The following TGDS variants were observed in gnomAD, a reference collection of about 807,000 sequenced individuals.
TGDS encodes the protein UDP-D-glucose 4,6-dehydratase.
Under a neutral mutation model 52.3 loss-of-function variants are expected in TGDS, and 47 were observed. That is an observed-to-expected ratio of 0.90 (90% CI 0.71 to 1.15). TGDS has a LOEUF of 1.15. TGDS is among the 50% of genes most tolerant of loss of function. TGDS has a pLI of 0.00. For missense variants in TGDS, 375 were observed against 418.4 expected (o/e 0.90, Z 0.90); for synonymous variants, 115 against 136.9 (o/e 0.84, Z 1.12).
At chr13:94,594,610 T>C (rs1035155395) in intron 1 of TGDS, among the ~76,000 whole-genome samples, 3 of 152,190 alleles carry the variant, frequency 2.0e-5, no homozygotes, top group Non-Finnish European at 4.4e-5. Flanking sequence ...GACCAAATTA[T>C]GAACTTGAAG....
intron 5 of TGDS, among the ~76,000 whole-genome samples, chr13:94,582,012 CAACAT>C (rs1888811221): frequency 2.0e-5 from 3 of 152,032 alleles, no homozygotes; most frequent in Admixed American, 6.6e-5. Flanking sequence ...CCAGCCTGAC[CAACAT>C]GGAGAAACCC....
intron 10 of TGDS, among the ~76,000 whole-genome samples, chr13:94,576,685 C>T (rs958840949): frequency 2.2e-4 from 34 of 151,996 alleles, no homozygotes; most frequent in African/African-American, 8.2e-4. Flanking sequence ...ATCCAAAAAA[C>T]TCAACAAATG....
At chr13:94,593,802 G>T in intron 2 of TGDS, 39 bp downstream of exon 2, 1 of 1,278,298 alleles carries the variant, frequency 7.8e-7, no homozygotes, top group Non-Finnish European at 1.1e-6. Context: ...AAATTGAAAT[G>T]TAATTTCAGT....
chr13:94,591,523 G>A (rs933724690), intron 3 of TGDS, among the ~76,000 whole-genome samples: 1 of 152,168 alleles, frequency 6.6e-6, no homozygotes, highest in Non-Finnish European at 1.5e-5. Flanking sequence ...AACCCCGGAG[G>A]CAGGGGTCGC....
intron 3 of TGDS, 37 bp downstream of exon 3, chr13:94,592,204 A>G (rs530922193): frequency 7.4e-6 from 11 of 1,496,270 alleles, no homozygotes; most frequent in Non-Finnish European, 3.7e-6. Context: ...CTGCATGACT[A>G]AAGAGGCACG....
At chr13:94,581,803 C>T (rs1425856537) in intron 5 of TGDS, among the ~76,000 whole-genome samples, 1 of 152,084 alleles carries the variant, frequency 6.6e-6, no homozygotes, top group African/African-American at 2.4e-5. Context: ...ATAAAATAAA[C>T]AGAATGAGAT....
chr13:94,596,139 C>G lies in TGDS; in HGVS notation c.-3G>C, dbSNP rs902701194. 2.5e-6 allele frequency: 4 copies of G among 1,613,818 alleles called. No individual in the cohort carries two copies. In the African/African-American group the frequency reaches 4.0e-5, roughly 16 times the overall value. Reference sequence around the variant, plus strand: ...TCCTCCCAACACGCCGCCGACATCTCCCAGCTCAGCAGTGCCTAGTACCGT... The same window carrying G: ...TCCTCCCAACACGCCGCCGACATCTGCCAGCTCAGCAGTGCCTAGTACCGT... On this transcript the variant is annotated 5_prime_UTR_variant, in exon 1 of 12. Coordinates refer to ENST00000261296, the MANE Select transcript of TGDS (RefSeq NM_014305.4).
rs1436177084 is a variant in TGDS at position 94,579,877 on chromosome 13, TAAG to T, written c.615+14_615+16del. The T allele has an allele frequency of 6.7e-7, 1 of 1,484,728 alleles. No individual in the cohort carries two copies. Among genetic ancestry groups the T allele is most frequent in the East Asian group, 2.3e-5 (1 of 44,036 alleles). The allele number at this position is 1,484,728 out of a possible 1,614,324, so 92.0% of individuals were successfully genotyped here. ...ACAATCACTGAAAAACACCATGAAT[TAAG>T]AAGTAAAATTTACCTTTTCTGGATA... is the stretch of plus-strand genomic sequence containing the variant. On this transcript the variant is annotated intron_variant, in intron 7 of 11. Coordinates refer to ENST00000261296, the MANE Select transcript of TGDS (RefSeq NM_014305.4).
intron 3 of TGDS, 149 bp downstream of exon 3, chr13:94,592,092 A>G: frequency 1.8e-6 from 1 of 541,180 alleles, no homozygotes; most frequent in Non-Finnish European, 3.2e-6. Context: ...AGCACATGGT[A>G]CTTTTGGAAA....
chr13:94,594,995 T>C (rs2139550074), intron 1 of TGDS, among the ~76,000 whole-genome samples: 1 of 152,272 alleles, frequency 6.6e-6, no homozygotes, highest in African/African-American at 2.4e-5. Flanking sequence ...CGAGTTTGCA[T>C]TTTAGAGTGG....
intron 1 of TGDS, among the ~76,000 whole-genome samples, chr13:94,594,161 A>G (rs1292877217): frequency 5.9e-5 from 9 of 152,212 alleles, no homozygotes; most frequent in Non-Finnish European, 1.3e-4. Flanking sequence ...TTCTGGGTAT[A>G]GGGAAAAAAG....
At position 94,577,270 on chromosome 13, in the gene TGDS, A is replaced by G. The variant is rs367584059; in HGVS notation, c.884+101T>C. 772 of 897,354 alleles carry G rather than the reference A, an allele frequency of 8.6e-4. 12 individuals carry two copies. The South Asian group carries it at 0.016, about 19-fold the overall frequency. The allele number at this position is 897,354 out of a possible 1,614,324, so 55.6% of individuals were successfully genotyped here. On this transcript the variant is annotated intron_variant, in intron 10 of 11. Transcript: ENST00000261296. ...AAAAAAATGTTTTACCAGAAAATTC[A>G]AAACAGATAAACTAGTTATTGGTCA...
rs371954453 is a variant in TGDS, at chr13:94,577,356, T to C, written c.884+15A>G. On this transcript the variant is annotated intron_variant, in intron 10 of 11. Transcript: ENST00000261296. ...ATTTCACAACCTTTCCCCAAGGTTT[T>C]AACTTGTTACTCACCTATCATTAAC... The C allele has an allele frequency of 1.3e-6, 2 of 1,560,552 alleles. No homozygotes were observed. The highest frequency in any genetic ancestry group is 2.8e-5 in the African/African-American group (2 of 71,766).
At chr13:94,585,799 C>CAAAAAAAAAAAAAAAAAAACAAAAAA (rs371365630) in intron 4 of TGDS, among the ~76,000 whole-genome samples, 1 of 116,320 alleles carries the variant, frequency 8.6e-6, no homozygotes. Context: ...GACTCTGTCT[C>CAAAAAAAAAAAAAAAAAAACAAAAAA]AAAAAAAAAA....
chr13:94,583,250 G>A lies in TGDS; in HGVS notation c.314-14C>T. On this transcript the variant is annotated splice_polypyrimidine_tract_variant and intron_variant, in intron 4 of 11. Coordinates refer to ENST00000261296, the MANE Select transcript of TGDS (RefSeq NM_014305.4). ...CGAATGAAAGATCTAAAAGAAAAGA[G>A]TGAAAAGCTAAAACAAGTCTACCCA... is the stretch of plus-strand genomic sequence containing the variant. 2.5e-6 allele frequency: 4 copies of A among 1,609,212 alleles called. No individual in the cohort carries two copies. The South Asian group carries it at 3.3e-5, about 13-fold the overall frequency.
intron 4 of TGDS, among the ~76,000 whole-genome samples, chr13:94,583,977 A>C (rs530401672): frequency 6.6e-6 from 1 of 152,230 alleles, no homozygotes; most frequent in Non-Finnish European, 1.5e-5. Context: ...AGAAAAACCC[A>C]AATTAAAAAC....
Position 94,594,889 on chromosome 13 carries a change from C to T in TGDS, c.87-982G>A, listed in dbSNP as rs1889324657. Among the ~76,000 whole-genome samples, 11 of 152,298 alleles carry T rather than the reference C, an allele frequency of 7.2e-5. No individual in the cohort carries two copies. The South Asian group carries it at 2.3e-3, about 32-fold the overall frequency. On this transcript the variant is annotated intron_variant, in intron 1 of 11. Coordinates refer to ENST00000261296, the MANE Select transcript of TGDS (RefSeq NM_014305.4). ...GGATAGGAGAGTTTCCTGTTTATTA[C>T]TCTTGCATTCATCCATTCCACAATT...
chr13:94,592,167 T>A, intron 3 of TGDS, 74 bp downstream of exon 3: 6 of 1,149,920 alleles, frequency 5.2e-6, no homozygotes, highest in Non-Finnish European at 7.3e-6. Flanking sequence ...TTACACAAGT[T>A]TGTAAAGTAC....
chr13:94,578,243 A>G, intron 8 of TGDS, 73 bp from the exon 9 acceptor site: 2 of 1,378,748 alleles, frequency 1.5e-6, no homozygotes, highest in South Asian at 2.6e-5. Context: ...ACTGGGTACT[A>G]CAACTCCAGA....
Sources: gnomAD v4.1 joint callset for allele counts (sites outside exome capture counted in the v4.1 genomes callset) on GRCh38, gnomAD v4.1.1 for gene constraint, MANE v1.5 for transcripts, NCBI Gene and HGNC (gene_info 2026-07-23, HGNC 2026-07-21) for gene names.